Variants in PLCD4 observed in about 807,000 individuals in gnomAD.
PLCD4 encodes the protein 1-phosphatidylinositol 4,5-bisphosphate phosphodiesterase delta-4.
PLCD4 carries 63 observed loss-of-function variants against 90.2 expected under a neutral mutation model. The ratio of observed to expected loss-of-function variants is 0.70; its 90% CI spans 0.57 to 0.86. PLCD4 has a LOEUF of 0.86. Among genes scored for constraint, PLCD4 ranks in the 40% least tolerant of loss-of-function variants. The probability of loss-of-function intolerance (pLI) is 0.00; values close to 1 mark genes in which losing one functional copy is unlikely to be tolerated. For synonymous variants in PLCD4, 294 were observed against 356.5 expected, an observed-to-expected ratio of 0.82 and a Z score of 1.97; for missense variants, 830 against 956.3, an observed-to-expected ratio of 0.87 and a Z score of 1.74.
chr2:218,629,418 A>G, intron 7 of PLCD4, 101 bp from the exon 8 acceptor site: 1 of 1,374,070 alleles, frequency 7.3e-7, no homozygotes, highest in Non-Finnish European at 9.9e-7. Flanking sequence ...TGGATGGGTA[A>G]GTGCTGGTGA....
At position 218,630,644 on chromosome 2, in the gene PLCD4, C is replaced by T. The variant is rs1421086270; in HGVS notation, c.1120-6C>T. 6.2e-7 allele frequency: 1 copy of T among 1,613,988 alleles called. No homozygotes were observed. The highest frequency in any genetic ancestry group is 1.7e-5 in the Admixed American group (1 of 60,022). On this transcript the variant is annotated splice_polypyrimidine_tract_variant and splice_region_variant and intron_variant, in intron 8 of 15. Coordinates refer to ENST00000450993, the MANE Select transcript of PLCD4 (RefSeq NM_032726.4). Reference sequence around the variant, plus strand: ...TGAATCCATTGTTCCCTCCCCTCACCACCAGACATCAGACTACCCAGTCAT... The same window carrying T: ...TGAATCCATTGTTCCCTCCCCTCACTACCAGACATCAGACTACCCAGTCAT...
chr2:218,625,325 G>T (rs1199786615), intron 6 of PLCD4, among the ~76,000 whole-genome samples: 1 of 151,330 alleles, frequency 6.6e-6, no homozygotes, highest in Non-Finnish European at 1.5e-5. Context: ...AAAGAAAAAA[G>T]AAATAGGATC....
intron 5 of PLCD4, 142 bp from the exon 6 acceptor site, chr2:218,622,505 C>A: frequency 1.9e-6 from 1 of 530,586 alleles, no homozygotes; most frequent in South Asian, 3.2e-5. Flanking sequence ...CATTGCATGC[C>A]TATATCAAAA....
rs202210980 is a variant in PLCD4 at position 218,628,230 on chromosome 2, G to A, written c.974G>A (p.Arg325Gln). 99 of 1,613,298 alleles carry A rather than the reference G, an allele frequency of 6.1e-5. No individual in the cohort carries two copies. Among genetic ancestry groups the A allele is most frequent in the Non-Finnish European group, 1.8e-5 (21 of 1,179,446 alleles). ...CGQSSVEGYI[R>Q]ALKRGCRCVE... ...CAGAGCAGCGTCGAGGGATATATACGGTGCAGTGGTGGTAGAGAAGGGGTC... is the reference window on the plus strand; with the variant it reads ...CAGAGCAGCGTCGAGGGATATATACAGTGCAGTGGTGGTAGAGAAGGGGTC... The change falls in exon 7 of 16, where the codon CGG becomes CAG. Residue 325 changes from arginine to glutamine, a missense_variant and splice_region_variant. Coordinates refer to ENST00000450993, the MANE Select transcript of PLCD4 (RefSeq NM_032726.4).
intron 6 of PLCD4, among the ~76,000 whole-genome samples, chr2:218,623,310 T>C (rs1322498419): frequency 6.6e-6 from 1 of 152,230 alleles, no homozygotes; most frequent in African/African-American, 2.4e-5. Context: ...GCTGGCTCGC[T>C]GCCCTTTCCT....
chr2:218,636,220 T>C, intron 14 of PLCD4, 23 bp from the exon 15 acceptor site: 4 of 1,607,916 alleles, frequency 2.5e-6, no homozygotes, highest in Non-Finnish European at 3.4e-6. Flanking sequence ...TGTCTTCTTA[T>C]TTCTTTCTGT....
chr2:218,618,303 T>C (rs1213395009), intron 3 of PLCD4, among the ~76,000 whole-genome samples: 1 of 152,232 alleles, frequency 6.6e-6, no homozygotes, highest in East Asian at 1.9e-4. Context: ...TTTTGGTTTG[T>C]GTCATACTGC....
chr2:218,634,405 G>C lies in PLCD4; in HGVS notation c.1724-53G>C. 6.3e-7 allele frequency: 1 copy of C among 1,586,752 alleles called. No homozygotes were observed. Among genetic ancestry groups the C allele is most frequent in the Non-Finnish European group, 8.6e-7 (1 of 1,165,644 alleles). ...ATCTTCTTAACTCCCTGAAAGAGGG[G>C]CTGGAAGGCCTCCATGGTGAATCTT... On this transcript the variant is annotated intron_variant, in intron 12 of 15. Transcript: ENST00000450993. This position sits in a 1 kb window ranked among gnomAD's most constrained non-coding sequence, Gnocchi z 4.0.
chr2:218,609,304 C>G lies in PLCD4; in HGVS notation c.-34+1234C>G, dbSNP rs566228178. On this transcript the variant is annotated intron_variant, in intron 1 of 15. Transcript: ENST00000450993. ...TTGCCCCTCAGAGAGACCTGAGACA[C>G]CCTGAATCCCACTGTAATCTCCTTG... The G allele has an allele frequency of 2.0e-5, 3 of 152,278 alleles. No individual in the cohort carries two copies. The East Asian group carries it at 5.8e-4, about 29-fold the overall frequency. The allele number at this position is 152,278 out of a possible 1,614,324, so 9.4% of individuals were successfully genotyped here. A position where few individuals can be genotyped will look rare whatever the true frequency, so the allele number is the denominator to read the frequency against.
chr2:218,623,275 G>C (rs527352279), intron 6 of PLCD4, among the ~76,000 whole-genome samples: 1 of 152,120 alleles, frequency 6.6e-6, no homozygotes, highest in Non-Finnish European at 1.5e-5. Context: ...TTCTTCCATG[G>C]TTCCTGTTTG....
At chr2:218,623,664 A>G (rs993039235) in intron 6 of PLCD4, among the ~76,000 whole-genome samples, 1 of 152,056 alleles carries the variant, frequency 6.6e-6, no homozygotes. Context: ...TAATATCTCT[A>G]TGTACCTTTT....
intron 8 of PLCD4, among the ~76,000 whole-genome samples, chr2:218,629,871 A>G (rs546002910): frequency 6.6e-6 from 1 of 152,322 alleles, no homozygotes; most frequent in South Asian, 2.1e-4. Flanking sequence ...GTAATTACTT[A>G]TGGTTAGAAA....
chr2:218,633,626 C>A lies in PLCD4; in HGVS notation c.1471C>A (p.Pro491Thr). The A allele has an allele frequency of 6.2e-7, 1 of 1,613,684 alleles. No individual in the cohort carries two copies. The highest frequency in any genetic ancestry group is 8.5e-7 in the Non-Finnish European group (1 of 1,179,600). Reference sequence around the variant, plus strand: ...CCAGAAATCCAAGCCCATCTTGTGTCCAGCCCTCTCTTCCCTGGTTATCTA... The same window carrying A: ...CCAGAAATCCAAGCCCATCTTGTGTACAGCCCTCTCTTCCCTGGTTATCTA... ...KKKKSKPILC[P>T]ALSSLVIYLK... is the part of the protein sequence containing the mutation. The change falls in exon 11 of 16, where the codon CCA (proline) becomes ACA (threonine). Residue 491 changes from proline (P) to threonine (T), a missense_variant. Coordinates refer to ENST00000450993, the MANE Select transcript of PLCD4 (RefSeq NM_032726.4).
At chr2:218,627,551 C>T (rs557005593) in intron 6 of PLCD4, among the ~76,000 whole-genome samples, 3 of 151,726 alleles carry the variant, frequency 2.0e-5, no homozygotes, top group Non-Finnish European at 2.9e-5. Context: ...CTCACTCTGT[C>T]CCCCAGGCTG....
At chr2:218,626,844 A>G (rs1029446728) in intron 6 of PLCD4, among the ~76,000 whole-genome samples, 1 of 152,238 alleles carries the variant, frequency 6.6e-6, no homozygotes, top group African/African-American at 2.4e-5. Context: ...TAACTTGGCC[A>G]TGTCACTAAG....
Position 218,629,606 on chromosome 2 carries a change from G to C in PLCD4, c.1062G>C (p.Leu354=), listed in dbSNP as rs1405753213. Residue 354 remains leucine (L), a synonymous_variant, in exon 8 of 16, where the codon CTG becomes CTC. Coordinates refer to ENST00000450993, the MANE Select transcript of PLCD4 (RefSeq NM_032726.4). ...GEPVVYHGHT[L]TSRILFKDVV... ...CTGTCGTTTACCACGGACACACCCTGACCTCCCGCATCCTGTTCAAAGATG... is the reference window on the plus strand; with the variant it reads ...CTGTCGTTTACCACGGACACACCCTCACCTCCCGCATCCTGTTCAAAGATG... The C allele has an allele frequency of 4.3e-6, 7 of 1,613,844 alleles. No homozygotes were observed. Among genetic ancestry groups the C allele is most frequent in the East Asian group, 2.2e-5 (1 of 44,866 alleles).
chr2:218,608,264 C>A (rs371482832), intron 1 of PLCD4, among the ~76,000 whole-genome samples, 194 bp downstream of exon 1: 1 of 152,190 alleles, frequency 6.6e-6, no homozygotes, highest in East Asian at 1.9e-4. Context: ...CAGCTTTCCT[C>A]CTGGCTGTGT....
intron 9 of PLCD4, among the ~76,000 whole-genome samples, chr2:218,631,764 C>A (rs953342114): frequency 2.9e-4 from 44 of 151,424 alleles, no homozygotes; most frequent in African/African-American, 1.0e-3. Flanking sequence ...TGCACTCCAG[C>A]CCGGGCGACA....
chr2:218,634,662 T>G lies in PLCD4; in HGVS notation c.1896+32T>G. The stretch of plus-strand genomic sequence containing the variant: ...TGGAAATAAACTGTTGGGAAGAAAC[T>G]GAGATAACTGGGATAGAAGTGAGGG... On this transcript the variant is annotated intron_variant, in intron 13 of 15. Coordinates refer to ENST00000450993, the MANE Select transcript of PLCD4 (RefSeq NM_032726.4). The surrounding 1 kb of genome is among the most constrained non-coding windows in gnomAD (Gnocchi z 4.0). The G allele has an allele frequency of 1.9e-6, 3 of 1,605,536 alleles. No individual in the cohort carries two copies. Among genetic ancestry groups the G allele is most frequent in the Middle Eastern group, 1.7e-4 (1 of 6,008 alleles).
Sources: allele counts gnomAD v4.1 joint callset (sites outside exome capture counted in the v4.1 genomes callset), GRCh38; gene constraint gnomAD v4.1.1; non-coding constraint Gnocchi (gnomAD v3.1); transcripts MANE v1.5; gene names NCBI Gene and HGNC (gene_info 2026-07-23, HGNC 2026-07-21).